THEMIS: variants seen among roughly 807,000 people sequenced by gnomAD.
THEMIS encodes the protein thymocyte selection associated, also known as protein THEMIS.
THEMIS carries 37 observed loss-of-function variants against 52.6 expected under a neutral mutation model. The ratio of observed to expected loss-of-function variants is 0.70; its 90% confidence interval spans 0.54 to 0.93. The LOEUF (loss-of-function observed/expected upper bound fraction) is 0.93, where lower values mean the gene tolerates loss of function less well. THEMIS is among the 40% of genes least tolerant of loss of function. The pLI is 0.00. For synonymous variants in THEMIS, 292 were observed against 272.7 expected, an observed-to-expected ratio of 1.07 and a Z score of -0.70; for missense variants, 808 against 763.1, an observed-to-expected ratio of 1.06 and a Z score of -0.69.
intron 1 of THEMIS, among the ~76,000 whole-genome samples, chr6:127,879,885 C>T (rs903171162): frequency 6.6e-5 from 10 of 152,024 alleles, no homozygotes; most frequent in African/African-American, 2.4e-4. Flanking sequence ...CTACCAGCTC[C>T]GGGAAATGCG....
chr6:127,814,034 A>G, intron 3 of THEMIS, 103 bp from the exon 4 acceptor site: 2 of 974,660 alleles, frequency 2.1e-6, no homozygotes, highest in South Asian at 4.0e-5. Flanking sequence ...CAAAATAAAG[A>G]ACTCAGATGA....
At chr6:127,814,176 T>G (rs1299700442) in intron 3 of THEMIS, among the ~76,000 whole-genome samples, 1 of 152,170 alleles carries the variant, frequency 6.6e-6, no homozygotes, top group Non-Finnish European at 1.5e-5. Flanking sequence ...ACCTTGGAGC[T>G]CTAGGGAACC....
chr6:127,911,031 A>C (rs976354867), intron 1 of THEMIS, among the ~76,000 whole-genome samples: 1 of 151,856 alleles, frequency 6.6e-6, no homozygotes, highest in African/African-American at 2.4e-5. Flanking sequence ...TGTTTTTCTC[A>C]TGGTTCACCT....
At chr6:127,866,702 T>C (rs1025753421) in intron 1 of THEMIS, among the ~76,000 whole-genome samples, 2 of 151,910 alleles carry the variant, frequency 1.3e-5, no homozygotes, top group South Asian at 2.1e-4. Context: ...TTGAACAATT[T>C]CTATCATCTA....
intron 4 of THEMIS, among the ~76,000 whole-genome samples, chr6:127,747,199 TATC>T (rs1286780053): frequency 7.5e-6 from 1 of 133,998 alleles, no homozygotes; most frequent in Admixed American, 8.1e-5. Context: ...TACAGATATC[TATC>T]ATATCTGCAT....
chr6:127,907,966 C>A (rs891425235), intron 1 of THEMIS, among the ~76,000 whole-genome samples: 1 of 151,814 alleles, frequency 6.6e-6, no homozygotes, highest in African/African-American at 2.4e-5. Context: ...ATTTTAATAA[C>A]CTTGAAAGAA....
intron 1 of THEMIS, among the ~76,000 whole-genome samples, chr6:127,881,580 C>T (rs1780486222): frequency 6.6e-6 from 1 of 151,942 alleles, no homozygotes; most frequent in South Asian, 2.1e-4. Context: ...ATCTCATACT[C>T]CATTGTACAA....
At chr6:127,897,398 G>A (rs1781000200) in intron 1 of THEMIS, among the ~76,000 whole-genome samples, 1 of 151,142 alleles carries the variant, frequency 6.6e-6, no homozygotes, top group African/African-American at 2.4e-5. Flanking sequence ...TTGACAAAGA[G>A]TAAATATCCC....
intron 4 of THEMIS, among the ~76,000 whole-genome samples, chr6:127,767,702 A>G (rs1401945178): frequency 4.6e-5 from 7 of 152,196 alleles, no homozygotes; most frequent in Non-Finnish European, 1.0e-4. Context: ...ATACTCTAGA[A>G]TAATGATAAA....
intron 4 of THEMIS, among the ~76,000 whole-genome samples, chr6:127,798,628 TTTAG>T (rs143569155): frequency 0.017 from 2,577 of 152,330 alleles, 75 homozygotes; most frequent in African/African-American, 0.059. Context: ...ATGAGAACTA[TTTAG>T]TTACTTAAAT....
At chr6:127,783,467 A>T (rs1003324856) in intron 4 of THEMIS, among the ~76,000 whole-genome samples, 2 of 152,342 alleles carry the variant, frequency 1.3e-5, no homozygotes, top group Admixed American at 1.3e-4. Context: ...ACAGAATGGG[A>T]GAAAATTGTT....
chr6:127,845,911 C>A (rs1247001245), intron 2 of THEMIS, among the ~76,000 whole-genome samples: 3 of 151,872 alleles, frequency 2.0e-5, no homozygotes, highest in Non-Finnish European at 4.4e-5. Context: ...GGACTGTTTG[C>A]ATACGCAAGA....
At chr6:127,837,333 G>A (rs941693857) in intron 2 of THEMIS, among the ~76,000 whole-genome samples, 6 of 152,058 alleles carry the variant, frequency 3.9e-5, no homozygotes, top group Admixed American at 1.3e-4. Flanking sequence ...TGAAACAGAG[G>A]AGCCCCCCCA....
At chr6:127,867,340 CT>C (rs1780014322) in intron 1 of THEMIS, among the ~76,000 whole-genome samples, 1 of 152,090 alleles carries the variant, frequency 6.6e-6, no homozygotes, top group Non-Finnish European at 1.5e-5. Flanking sequence ...AAAGAAAATG[CT>C]TATTTCTCTC....
intron 4 of THEMIS, among the ~76,000 whole-genome samples, chr6:127,768,669 T>C (rs755936338): frequency 1.3e-5 from 2 of 152,238 alleles, no homozygotes; most frequent in South Asian, 2.1e-4. Context: ...CACAATTAGC[T>C]GAATTACTTA....
chr6:127,775,250 A>T (rs1235767311), intron 4 of THEMIS, among the ~76,000 whole-genome samples: 1 of 152,164 alleles, frequency 6.6e-6, no homozygotes. Context: ...AAGTGTTTTT[A>T]TGTTTTGAGC....
intron 4 of THEMIS, among the ~76,000 whole-genome samples, chr6:127,730,569 A>T (rs1774757822): frequency 6.6e-6 from 1 of 152,186 alleles, no homozygotes; most frequent in East Asian, 1.9e-4. Context: ...ATATTTAATC[A>T]TTTAATGTTT....
chr6:127,894,217 A>T (rs1780897131), intron 1 of THEMIS, among the ~76,000 whole-genome samples: 1 of 152,100 alleles, frequency 6.6e-6, no homozygotes, highest in Non-Finnish European at 1.5e-5. Context: ...GAGGTGTTAT[A>T]ACAAAAAACA....
At position 127,829,872 on chromosome 6, in the gene THEMIS, T is replaced by G. The variant is rs1359997709; in HGVS notation, c.313A>C (p.Ile105Leu). 1 of 1,614,006 alleles carries G rather than the reference T, an allele frequency of 6.2e-7. No individual in the cohort carries two copies. Among genetic ancestry groups the G allele is most frequent in the South Asian group, 1.1e-5 (1 of 91,074 alleles). ...CCTAGTCTACTTGGTCCAATATGAA[T>G]GGTCCTTGTGATTTCTTCCATAGTA... ...YLTMEEITRTIHIGPSRLGHP... is the reference protein window; with the variant it reads ...YLTMEEITRTLHIGPSRLGHP... The change falls in exon 3 of 6, where the codon ATT becomes CTT. Residue 105 changes from isoleucine (I) to leucine (L), a missense_variant. Coordinates refer to ENST00000368248, the MANE Select transcript of THEMIS (RefSeq NM_001010923.3).
Sources: allele counts gnomAD v4.1 joint callset (sites outside exome capture counted in the v4.1 genomes callset), GRCh38; gene constraint gnomAD v4.1.1; transcripts MANE v1.5; gene names NCBI Gene and HGNC (gene_info 2026-07-23, HGNC 2026-07-21).